CASTOR2: variants seen among roughly 807,000 people sequenced by gnomAD.
The protein encoded by CASTOR2 is cytosolic arginine sensor for mTORC1 subunit 2.
A neutral mutation model predicts 31.2 loss-of-function variants in CASTOR2; 8 were observed. The ratio of observed to expected loss-of-function variants is 0.26; its 90% CI spans 0.15 to 0.46. The LOEUF is 0.46. Among genes scored for constraint, CASTOR2 ranks in the 20% least tolerant of loss-of-function variants. The pLI, the probability that CASTOR2 is intolerant of heterozygous loss-of-function variation, is 0.99. For synonymous variants in CASTOR2, 162 were observed against 158.7 expected (o/e 1.02, Z -0.16); for missense variants, 216 against 382.1 (o/e 0.57, Z 3.62).
intron 1 of CASTOR2, among the ~76,000 whole-genome samples, chr7:74,988,085 A>C (rs1195719496): frequency 6.7e-6 from 1 of 149,282 alleles, no homozygotes; most frequent in Non-Finnish European, 1.5e-5. Flanking sequence ...TTCACTGCTC[A>C]TTGCTCATCT....
At chr7:75,005,445 C>T (rs1379543913) in intron 1 of CASTOR2, among the ~76,000 whole-genome samples, 3 of 152,126 alleles carry the variant, frequency 2.0e-5, no homozygotes, top group African/African-American at 4.8e-5. Context: ...ATTGCTGACC[C>T]GTATTTCCTC....
At chr7:75,015,075 C>T (rs1422771773) in intron 2 of CASTOR2, among the ~76,000 whole-genome samples, 5 of 152,188 alleles carry the variant, frequency 3.3e-5, no homozygotes, top group Admixed American at 6.5e-5. Flanking sequence ...TCTCAGCCAG[C>T]GGGACCAATG....
intron 1 of CASTOR2, among the ~76,000 whole-genome samples, chr7:74,989,134 T>G (rs1335314104): frequency 6.6e-6 from 1 of 151,912 alleles, no homozygotes; most frequent in East Asian, 1.9e-4. Flanking sequence ...CTAATTTTTT[T>G]GTATTTTTAC....
chr7:74,999,783 A>G lies in CASTOR2; in HGVS notation c.114-8211A>G, dbSNP rs1804451084. ...CAGGTGCACACCACCATGCCCAGCTAATTTTTGTATTTTTAGTAGAGACGG... is the reference window on the plus strand; with the variant it reads ...CAGGTGCACACCACCATGCCCAGCTGATTTTTGTATTTTTAGTAGAGACGG... On this transcript the variant is annotated intron_variant, in intron 1 of 8. Transcript: ENST00000616305. Among the ~76,000 whole-genome samples, 4 of 151,788 alleles carry G rather than the reference A, an allele frequency of 2.6e-5. 1 individual carries two copies. Among genetic ancestry groups the G allele is most frequent in the African/African-American group, 9.7e-5 (4 of 41,294 alleles).
At chr7:75,020,586 G>A (rs1263599552) in intron 6 of CASTOR2, among the ~76,000 whole-genome samples, 2 of 151,662 alleles carry the variant, frequency 1.3e-5, no homozygotes, top group East Asian at 3.9e-4. Flanking sequence ...CACCTCCCGG[G>A]TTCATGCCAT....
Position 75,027,653 on chromosome 7 carries a change from C to T in CASTOR2, c.*2954C>T. Reference sequence around the variant, plus strand: ...GCCAGGGTATGGCTCTCCGCCCTGGCTGGCTCTGCAGGGGTGGTCCCTGTT... The same window carrying T: ...GCCAGGGTATGGCTCTCCGCCCTGGTTGGCTCTGCAGGGGTGGTCCCTGTT... On this transcript the variant is annotated 3_prime_UTR_variant, in exon 9 of 9. Transcript: ENST00000616305. 3.5e-6 allele frequency: 1 copy of T among 282,304 alleles called. No individual in the cohort carries two copies. Among genetic ancestry groups the T allele is most frequent in the East Asian group, 1.1e-4 (1 of 9,072 alleles). 17.5% of individuals were successfully genotyped at this position (282,304 alleles called of 1,614,324 possible). A position where few individuals can be genotyped will look rare whatever the true frequency, so the allele number is the denominator to read the frequency against.
chr7:75,001,674 A>ATCC (rs1290292415), intron 1 of CASTOR2, among the ~76,000 whole-genome samples: 2 of 152,240 alleles, frequency 1.3e-5, no homozygotes, highest in African/African-American at 4.8e-5. Context: ...GCCACAGTCC[A>ATCC]TCCTTTCGCT....
chr7:74,992,734 G>A (rs1294960901), intron 1 of CASTOR2, among the ~76,000 whole-genome samples: 8 of 152,022 alleles, frequency 5.3e-5, no homozygotes, highest in East Asian at 1.9e-4. Context: ...CACTGTGCCC[G>A]GCCTCAAGAT....
rs1264559856 is a variant in CASTOR2 at position 75,024,883 on chromosome 7, G to A, written c.*184G>A. 2 of 1,423,280 alleles carry A rather than the reference G, an allele frequency of 1.4e-6. No homozygotes were observed. Among genetic ancestry groups the A allele is most frequent in the Admixed American group, 4.2e-5 (2 of 47,654 alleles). 88.2% of individuals were successfully genotyped at this position (1,423,280 alleles called of 1,614,324 possible). On this transcript the variant is annotated 3_prime_UTR_variant, in exon 9 of 9. Coordinates refer to ENST00000616305, the MANE Select transcript of CASTOR2 (RefSeq NM_001145064.3). The stretch of plus-strand genomic sequence containing the variant: ...GGGGCCCACGCCAAGGCCTCTCCAT[G>A]CCCTCCTGCCTTCCCGGAGCCCCCC...
chr7:74,987,584 C>G (rs1257295035), intron 1 of CASTOR2, among the ~76,000 whole-genome samples: 2 of 152,206 alleles, frequency 1.3e-5, no homozygotes, highest in Admixed American at 6.6e-5. Flanking sequence ...TTTGTGTGAT[C>G]CAGGAAGGCC....
intron 2 of CASTOR2, among the ~76,000 whole-genome samples, chr7:75,011,578 C>CA (rs1443307117): frequency 2.6e-5 from 4 of 151,050 alleles, no homozygotes; most frequent in African/African-American, 7.3e-5. Flanking sequence ...ACTAAAAATA[C>CA]AAAAAAAATT....
chr7:74,993,815 AAAC>A (rs1804271437), intron 1 of CASTOR2, among the ~76,000 whole-genome samples: 1 of 151,886 alleles, frequency 6.6e-6, no homozygotes, highest in South Asian at 2.1e-4. Context: ...AAAAAAAAAA[AAAC>A]ACTTGTAATT....
intron 6 of CASTOR2, among the ~76,000 whole-genome samples, chr7:75,020,724 T>C (rs895888395): frequency 3.5e-4 from 53 of 152,144 alleles, no homozygotes; most frequent in Non-Finnish European, 6.3e-4. Context: ...CTCCTGACCT[T>C]GTGATCTGCC....
intron 1 of CASTOR2, among the ~76,000 whole-genome samples, chr7:74,977,360 G>T (rs1409950141): frequency 7.3e-5 from 11 of 151,372 alleles, no homozygotes; most frequent in Non-Finnish European, 1.6e-4. Flanking sequence ...GGCCATCCAC[G>T]GTGCTAAATT....
intron 1 of CASTOR2, among the ~76,000 whole-genome samples, chr7:74,967,240 C>A (rs1489948770): frequency 9.9e-6 from 1 of 100,784 alleles, no homozygotes; most frequent in East Asian, 3.6e-4. Flanking sequence ...ACACTTCGTC[C>A]GTCTGTAAAA....
chr7:74,989,392 G>A (rs1804151125), intron 1 of CASTOR2, among the ~76,000 whole-genome samples: 1 of 151,616 alleles, frequency 6.6e-6, no homozygotes, highest in African/African-American at 2.4e-5. Flanking sequence ...AAATAGCTGG[G>A]ACTACAGGAG....
intron 2 of CASTOR2, 122 bp from the exon 3 acceptor site, chr7:75,017,476 G>C: frequency 8.2e-7 from 1 of 1,217,434 alleles, no homozygotes; most frequent in South Asian, 1.3e-5. Context: ...TGGAAAGTGA[G>C]GCAAGGCACA....
chr7:74,978,029 A>G (rs1345230498), intron 1 of CASTOR2, among the ~76,000 whole-genome samples: 28 of 149,960 alleles, frequency 1.9e-4, no homozygotes, highest in African/African-American at 5.9e-4. Context: ...TGCCCTCACC[A>G]TAACACATTG....
intron 7 of CASTOR2, among the ~76,000 whole-genome samples, chr7:75,022,978 C>T (rs1805040199): frequency 6.6e-6 from 1 of 152,174 alleles, no homozygotes; most frequent in Admixed American, 6.5e-5. Flanking sequence ...GAGTCTGACA[C>T]CCAACACTTT....
Sources: gnomAD v4.1 joint callset for allele counts (sites outside exome capture counted in the v4.1 genomes callset) on GRCh38, gnomAD v4.1.1 for gene constraint, MANE v1.5 for transcripts, NCBI Gene and HGNC (gene_info 2026-07-23, HGNC 2026-07-21) for gene names.